Variants in SUMF1 observed in about 807,000 individuals in gnomAD.
SUMF1 encodes formylglycine-generating enzyme.
SUMF1 carries 48 observed loss-of-function variants against 47.6 expected under a neutral mutation model. The ratio of observed to expected loss-of-function variants is 1.01; its 90% confidence interval spans 0.80 to 1.28. SUMF1 has a LOEUF of 1.28. SUMF1 is among the 50% of genes most tolerant of loss of function. The probability of loss-of-function intolerance (pLI) is 0.00; values close to 1 mark genes in which losing one functional copy is unlikely to be tolerated. For synonymous variants in SUMF1, 230 were observed against 192.1 expected (o/e 1.20, Z -1.63); for missense variants, 571 against 485.4 (o/e 1.18, Z -1.66).
chr3:4,051,939 A>G (rs1362405989), intron 9 of SUMF1, among the ~76,000 whole-genome samples: 1 of 152,174 alleles, frequency 6.6e-6, no homozygotes, highest in Non-Finnish European at 1.5e-5. Context: ...GAAAGTATCA[A>G]CTAACAACCA....
chr3:4,405,569 G>A (rs1701349734), intron 7 of SUMF1, among the ~76,000 whole-genome samples: 1 of 152,012 alleles, frequency 6.6e-6, no homozygotes, highest in South Asian at 2.1e-4. Flanking sequence ...TGTGTTTTTT[G>A]TAAAGATGAG....
At chr3:4,050,038 T>C (rs1272630974) in intron 9 of SUMF1, among the ~76,000 whole-genome samples, 3 of 151,972 alleles carry the variant, frequency 2.0e-5, no homozygotes, top group African/African-American at 4.8e-5. Flanking sequence ...TCCCACGCCA[T>C]TCTGCCACTT....
intron 8 of SUMF1, among the ~76,000 whole-genome samples, chr3:4,285,280 T>C (rs1697610325): frequency 6.6e-6 from 1 of 152,218 alleles, no homozygotes; most frequent in Admixed American, 6.5e-5. Flanking sequence ...AATACTTGCA[T>C]TACTCCTAGG....
At chr3:4,053,060 C>G (rs1695139378) in intron 9 of SUMF1, among the ~76,000 whole-genome samples, 1 of 152,154 alleles carries the variant, frequency 6.6e-6, no homozygotes, top group African/African-American at 2.4e-5. Flanking sequence ...CCTCACTAAG[C>G]TTAATCATTT....
At chr3:4,431,502 C>T (rs142930504) in intron 3 of SUMF1, among the ~76,000 whole-genome samples, 56 of 152,330 alleles carry the variant, frequency 3.7e-4, no homozygotes, top group African/African-American at 1.3e-3. Context: ...GGGGACCACC[C>T]CCATGTCCCC....
At chr3:4,424,006 C>G (rs1701989901) in intron 3 of SUMF1, among the ~76,000 whole-genome samples, 1 of 152,226 alleles carries the variant, frequency 6.6e-6, no homozygotes, top group South Asian at 2.1e-4. Flanking sequence ...ATGAGCCAAA[C>G]AGACCTCTTT....
intron 2 of SUMF1, among the ~76,000 whole-genome samples, chr3:4,450,662 C>G (rs1190163680): frequency 6.6e-6 from 1 of 151,994 alleles, no homozygotes; most frequent in Non-Finnish European, 1.5e-5. Context: ...AGCCAAACAA[C>G]GAATGGAAGA....
intron 7 of SUMF1, among the ~76,000 whole-genome samples, chr3:4,388,226 T>G (rs1187072702): frequency 6.6e-6 from 1 of 152,104 alleles, no homozygotes; most frequent in East Asian, 1.9e-4. Flanking sequence ...TATTACTTTT[T>G]GCTTCACATG....
At chr3:4,267,367 G>A (rs1188664973) in intron 8 of SUMF1, among the ~76,000 whole-genome samples, 3 of 152,230 alleles carry the variant, frequency 2.0e-5, no homozygotes, top group African/African-American at 7.2e-5. Flanking sequence ...GACTCTATTT[G>A]GTTGGTAAAG....
chr3:4,313,981 G>C (rs1216454996), intron 8 of SUMF1: 5 of 833,330 alleles, frequency 6.0e-6, no homozygotes, highest in Non-Finnish European at 9.0e-6. Context: ...ATTTGTCTTA[G>C]TGACTGTTCT....
At chr3:4,115,596 G>A (rs966078402) in intron 8 of SUMF1, among the ~76,000 whole-genome samples, 4 of 152,092 alleles carry the variant, frequency 2.6e-5, no homozygotes, top group South Asian at 2.1e-4. Context: ...CCTCCGACGG[G>A]TTTGGGCGAG....
chr3:4,421,550 G>A (rs1701898374), intron 3 of SUMF1, among the ~76,000 whole-genome samples: 1 of 152,124 alleles, frequency 6.6e-6, no homozygotes. Flanking sequence ...CACGGTCATG[G>A]CTCACTGCAG....
intron 8 of SUMF1, among the ~76,000 whole-genome samples, chr3:4,284,918 TA>T (rs1697602337): frequency 6.6e-6 from 1 of 152,206 alleles, no homozygotes; most frequent in South Asian, 2.1e-4. Flanking sequence ...ATTTAGCTGT[TA>T]ACTTTGATAT....
intron 8 of SUMF1, among the ~76,000 whole-genome samples, chr3:4,073,201 A>G (rs2125038476): frequency 6.6e-6 from 1 of 152,294 alleles, no homozygotes; most frequent in African/African-American, 2.4e-5. Flanking sequence ...AAAGAAAAGA[A>G]TTTTCAACCC....
intron 8 of SUMF1, among the ~76,000 whole-genome samples, chr3:4,235,663 G>T (rs1696391696): frequency 6.6e-6 from 1 of 152,000 alleles, no homozygotes; most frequent in African/African-American, 2.4e-5. Flanking sequence ...GAACATCCTA[G>T]GCCCTTCTCT....
intron 7 of SUMF1, among the ~76,000 whole-genome samples, chr3:4,378,750 G>C (rs575399125): frequency 2.0e-5 from 3 of 152,148 alleles, no homozygotes; most frequent in Non-Finnish European, 4.4e-5. Flanking sequence ...ACTGTTTCTC[G>C]CTTAACAATT....
intron 3 of SUMF1, among the ~76,000 whole-genome samples, chr3:4,423,696 T>A (rs1460840518): frequency 6.6e-6 from 1 of 152,194 alleles, no homozygotes; most frequent in Non-Finnish European, 1.5e-5. Context: ...TCAAATCTCA[T>A]GTTGAAATAT....
chr3:4,234,865 G>C (rs1026862817), intron 8 of SUMF1, among the ~76,000 whole-genome samples: 1 of 152,136 alleles, frequency 6.6e-6, no homozygotes, highest in African/African-American at 2.4e-5. Context: ...AATTCGTTTA[G>C]CAAGAAGTGG....
At chr3:4,074,117 A>G (rs556397961) in intron 8 of SUMF1, among the ~76,000 whole-genome samples, 1 of 152,314 alleles carries the variant, frequency 6.6e-6, no homozygotes, top group East Asian at 1.9e-4. Flanking sequence ...AATGTAAAAG[A>G]ACAGAAATCA....
Sources: gnomAD v4.1 joint callset for allele counts (sites outside exome capture counted in the v4.1 genomes callset) on GRCh38, gnomAD v4.1.1 for gene constraint, MANE v1.5 for transcripts, NCBI Gene and HGNC (gene_info 2026-07-23, HGNC 2026-07-21) for gene names.